EXOC6B: variants seen among roughly 807,000 people sequenced by gnomAD.
EXOC6B encodes SEC15 homolog B.
A neutral mutation model predicts 113.5 loss-of-function variants in EXOC6B; 54 were observed. The ratio of observed to expected loss-of-function variants is 0.48; its 90% CI spans 0.38 to 0.60. The LOEUF (loss-of-function observed/expected upper bound fraction) is 0.60. Among genes scored for constraint, EXOC6B ranks in the 20% least tolerant of loss-of-function variants. The pLI, the probability that EXOC6B is intolerant of heterozygous loss-of-function variation, is 0.00. For synonymous variants in EXOC6B, 357 were observed against 339.0 expected (o/e 1.05, Z -0.58); for missense variants, 797 against 977.5 (o/e 0.82, Z 2.46).
intron 6 of EXOC6B, among the ~76,000 whole-genome samples, chr2:72,608,248 T>G (rs767469288): frequency 6.6e-5 from 10 of 152,070 alleles, no homozygotes; most frequent in Non-Finnish European, 8.8e-5. Context: ...CATATAGTAC[T>G]CTACTATCAC....
At chr2:72,678,081 A>G (rs1318423636) in intron 6 of EXOC6B, among the ~76,000 whole-genome samples, 2 of 152,180 alleles carry the variant, frequency 1.3e-5, no homozygotes, top group East Asian at 3.8e-4. Flanking sequence ...TACAGTTCTC[A>G]CCAGGACCCT....
chr2:72,443,910 C>T (rs1696395445), intron 18 of EXOC6B, among the ~76,000 whole-genome samples: 2 of 152,098 alleles, frequency 1.3e-5, no homozygotes, highest in African/African-American at 4.8e-5. Flanking sequence ...CATAGGCCCT[C>T]CCAAATCTCA....
intron 20 of EXOC6B, among the ~76,000 whole-genome samples, chr2:72,248,221 G>A (rs558442466): frequency 6.6e-6 from 1 of 152,234 alleles, no homozygotes; most frequent in South Asian, 2.1e-4. Flanking sequence ...TCCCATGACA[G>A]GTATAAGTAC....
At chr2:72,683,280 G>T (rs1304196132) in intron 6 of EXOC6B, among the ~76,000 whole-genome samples, 2 of 151,912 alleles carry the variant, frequency 1.3e-5, no homozygotes, top group Non-Finnish European at 2.9e-5. Context: ...TTTACACATA[G>T]CAGATGCTCA....
At position 72,619,462 on chromosome 2, in the gene EXOC6B, G is replaced by A. The variant is rs189107561; in HGVS notation, c.670-43794C>T. ...CATTCATAGACAGGATAACATATGA[G>A]TAACTTATAATACAGTAGAAAATTA... On this transcript the variant is annotated intron_variant, in intron 6 of 21. Coordinates refer to ENST00000272427, the MANE Select transcript of EXOC6B (RefSeq NM_015189.3). 3.0e-3 allele frequency among the ~76,000 whole-genome samples: 459 copies of A among 152,202 alleles called. 3 individuals carry two copies. Among genetic ancestry groups the A allele is most frequent in the Non-Finnish European group, 5.5e-3 (376 of 68,028 alleles).
At chr2:72,660,378 A>C (rs1280725308) in intron 6 of EXOC6B, among the ~76,000 whole-genome samples, 1 of 152,222 alleles carries the variant, frequency 6.6e-6, no homozygotes, top group African/African-American at 2.4e-5. Flanking sequence ...GTATAGAAAT[A>C]AAACACTTTC....
At chr2:72,705,023 A>C (rs187254682) in intron 6 of EXOC6B, among the ~76,000 whole-genome samples, 2 of 151,688 alleles carry the variant, frequency 1.3e-5, no homozygotes, top group South Asian at 4.2e-4. Context: ...GAGACACAAC[A>C]AAAAAAGAGA....
intron 1 of EXOC6B, among the ~76,000 whole-genome samples, chr2:72,767,646 C>CA (rs1192380043): frequency 6.7e-6 from 1 of 149,614 alleles, no homozygotes; most frequent in Admixed American, 6.7e-5. Context: ...CCCATCTCTA[C>CA]AAAAAATACC....
At chr2:72,713,538 C>T (rs1679405448) in intron 6 of EXOC6B, among the ~76,000 whole-genome samples, 1 of 151,896 alleles carries the variant, frequency 6.6e-6, no homozygotes, top group Non-Finnish European at 1.5e-5. Flanking sequence ...CCCATTAACT[C>T]GTCATTTAGC....
rs369841929 is a variant in EXOC6B at position 72,285,863 on chromosome 2, G to A, written c.2196+49084C>T. Among the ~76,000 whole-genome samples the A allele has an allele frequency of 4.9e-4, 74 of 152,082 alleles. 3 individuals carry two copies. The South Asian group carries it at 0.015, about 31-fold the overall frequency. ...ATACCTCACCGAAGAAGATATCATG[G>A]CATAAAATAAGCATATTAAAAAGAC... On this transcript the variant is annotated intron_variant, in intron 20 of 21. Transcript: ENST00000272427.
chr2:72,483,403 C>T (rs533656841), intron 16 of EXOC6B, among the ~76,000 whole-genome samples: 12 of 151,744 alleles, frequency 7.9e-5, no homozygotes, highest in Non-Finnish European at 1.6e-4. Flanking sequence ...GTCATGTTAT[C>T]GAAATAAAAA....
intron 20 of EXOC6B, among the ~76,000 whole-genome samples, chr2:72,331,503 T>C (rs1688417570): frequency 6.6e-6 from 1 of 152,112 alleles, no homozygotes; most frequent in Non-Finnish European, 1.5e-5. Context: ...CACTTCAAGA[T>C]AGCTAATTAA....
At chr2:72,547,840 TCAAATTATTATTATTCATCATTTGCTTAA>T in intron 8 of EXOC6B, among the ~76,000 whole-genome samples, 1 of 152,274 alleles carries the variant, frequency 6.6e-6, no homozygotes, top group South Asian at 2.1e-4. Flanking sequence ...TACAAGAACC[TCAAATTATTATTATTCATCATTTGCTTAA>T]CAGTAAAATT....
rs75209495 is a variant in EXOC6B, at chr2:72,191,108, A to C, written c.2197-6921T>G. Among the ~76,000 whole-genome samples, 899 of 152,320 alleles carry C rather than the reference A, an allele frequency of 5.9e-3. 8 individuals are homozygous for C. Among genetic ancestry groups the C allele is most frequent in the Non-Finnish European group, 9.3e-3 (630 of 68,016 alleles). ...CTATATAGGTTAATTAAAATGGTAAATTATGTGATTACTGGTTATTATACA... is the reference window on the plus strand; with the variant it reads ...CTATATAGGTTAATTAAAATGGTAACTTATGTGATTACTGGTTATTATACA... On this transcript the variant is annotated intron_variant, in intron 20 of 21. Coordinates refer to ENST00000272427, the MANE Select transcript of EXOC6B (RefSeq NM_015189.3).
At chr2:72,666,780 GACACACACACACAC>G (rs71404724) in intron 6 of EXOC6B, among the ~76,000 whole-genome samples, 6 of 81,160 alleles carry the variant, frequency 7.4e-5, no homozygotes, top group East Asian at 2.8e-3. Context: ...ATTTACAATA[GACACACACACACAC>G]ACACACACAC....
At chr2:72,182,765 T>A in intron 21 of EXOC6B, 2 of 588,908 alleles carry the variant, frequency 3.4e-6, no homozygotes, top group Non-Finnish European at 5.0e-6. Flanking sequence ...GCTGGTTTAG[T>A]AGATTAGTAT....
intron 6 of EXOC6B, among the ~76,000 whole-genome samples, chr2:72,695,289 G>A (rs896525602): frequency 6.6e-6 from 1 of 152,184 alleles, no homozygotes; most frequent in African/African-American, 2.4e-5. Context: ...AGCTCCTGCA[G>A]TACAATAGGA....
At chr2:72,782,463 T>C (rs1171102994) in intron 1 of EXOC6B, among the ~76,000 whole-genome samples, 1 of 152,200 alleles carries the variant, frequency 6.6e-6, no homozygotes, top group Non-Finnish European at 1.5e-5. Context: ...GTATAGACTG[T>C]GTAATGATTA....
At chr2:72,770,987 T>G (rs560978637) in intron 1 of EXOC6B, among the ~76,000 whole-genome samples, 1 of 152,344 alleles carries the variant, frequency 6.6e-6, no homozygotes, top group Admixed American at 6.5e-5. Context: ...TGTTTTTAAA[T>G]AATGATTATA....
Sources: gnomAD v4.1 joint callset for allele counts (sites outside exome capture counted in the v4.1 genomes callset) on GRCh38, gnomAD v4.1.1 for gene constraint, MANE v1.5 for transcripts, NCBI Gene and HGNC (gene_info 2026-07-23, HGNC 2026-07-21) for gene names.